Variants in MROH9 observed in about 807,000 individuals in gnomAD.
MROH9 encodes maestro heat like repeat family member 9, also known as maestro heat-like repeat-containing protein family member 9.
In MROH9, 92 loss-of-function variants were observed where a neutral mutation model predicts 98.2. The observed-to-expected ratio is 0.94, with a 90% CI of 0.79 to 1.11. The LOEUF (loss-of-function observed/expected upper bound fraction) is 1.11, where lower values mean the gene tolerates loss of function less well. MROH9 is among the 50% of genes most tolerant of loss of function. The probability of loss-of-function intolerance (pLI) is 0.00; values close to 1 mark genes in which losing one functional copy is unlikely to be tolerated. For synonymous variants in MROH9, 397 were observed against 368.9 expected, an observed-to-expected ratio of 1.08 and a Z score of -0.87; for missense variants, 1,057 against 1,014.8, an observed-to-expected ratio of 1.04 and a Z score of -0.57.
chr1:170,947,482 G>A, intron 2 of MROH9, 45 bp from the exon 3 acceptor site: 1 of 1,545,432 alleles, frequency 6.5e-7, no homozygotes, highest in Non-Finnish European at 8.9e-7. Flanking sequence ...GATGATAGGA[G>A]TCTATGTTCA....
chr1:171,037,744 A>C (rs1437213906), intron 20 of MROH9, among the ~76,000 whole-genome samples: 1 of 152,086 alleles, frequency 6.6e-6, no homozygotes, highest in East Asian at 1.9e-4. Flanking sequence ...GAATAGACAG[A>C]TAAATAGGAC....
chr1:170,937,009 T>C (rs1648911021), intron 1 of MROH9, among the ~76,000 whole-genome samples: 1 of 152,204 alleles, frequency 6.6e-6, no homozygotes, highest in South Asian at 2.1e-4. Context: ...CTAGTGACCT[T>C]GCAGCTGCAC....
intron 20 of MROH9, among the ~76,000 whole-genome samples, chr1:171,029,274 A>C (rs181244821): frequency 2.0e-5 from 3 of 151,816 alleles, no homozygotes; most frequent in African/African-American, 7.3e-5. Flanking sequence ...GCAGTGGCAC[A>C]ATCTCGGCTC....
At chr1:170,995,601 T>G in intron 13 of MROH9, 70 bp downstream of exon 13, 1 of 1,514,710 alleles carries the variant, frequency 6.6e-7, no homozygotes, top group Non-Finnish European at 9.1e-7. Flanking sequence ...TCTACCCTCT[T>G]GGGTTCATAT....
chr1:170,944,892 G>C (rs1649264759), intron 1 of MROH9, among the ~76,000 whole-genome samples: 1 of 152,048 alleles, frequency 6.6e-6, no homozygotes, highest in Non-Finnish European at 1.5e-5. Context: ...TATGATGTAT[G>C]ATGGGAAATC....
intron 15 of MROH9, among the ~76,000 whole-genome samples, chr1:171,007,718 C>T (rs1234889617): frequency 6.6e-6 from 1 of 152,294 alleles, no homozygotes; most frequent in Middle Eastern, 3.4e-3. Context: ...CAGGCCACTG[C>T]TGAGAAGAGA....
At chr1:171,041,912 T>C (rs936244792) in intron 20 of MROH9, among the ~76,000 whole-genome samples, 4 of 152,044 alleles carry the variant, frequency 2.6e-5, no homozygotes, top group Admixed American at 2.6e-4. Flanking sequence ...GATATTTTGA[T>C]ATAAGCATGC....
At chr1:171,051,928 G>C (rs1316730104) in intron 20 of MROH9, among the ~76,000 whole-genome samples, 4 of 152,124 alleles carry the variant, frequency 2.6e-5, no homozygotes, top group Non-Finnish European at 5.9e-5. Context: ...TTTGATAGCA[G>C]GGTAATGATG....
rs754332732 is a variant in MROH9, at chr1:171,044,972, C to CTTTTTTTTTTTTTTTTTTTTTTTTT, written c.2282-17137_2282-17113dup. On this transcript the variant is annotated intron_variant, in intron 20 of 21. Transcript: ENST00000367759. ...CAATTCCATTTATTTCTGCTCTGAT[C>CTTTTTTTTTTTTTTTTTTTTTTTTT]TTTTTTTTTTTTTTTTTTTTTTTTT... 4.8e-4 allele frequency among the ~76,000 whole-genome samples: 22 copies of CTTTTTTTTTTTTTTTTTTTTTTTTT among 45,708 alleles called. 4 individuals carry two copies. The highest frequency in any genetic ancestry group is 6.3e-4 in the Admixed American group (2 of 3,156). The allele number at this position is 45,708 out of a possible 152,430, so 30.0% of individuals were successfully genotyped here. A position where few individuals can be genotyped will look rare whatever the true frequency, so the allele number is the denominator to read the frequency against.
At chr1:171,052,381 G>A (rs1326831131) in intron 20 of MROH9, among the ~76,000 whole-genome samples, 5 of 152,258 alleles carry the variant, frequency 3.3e-5, no homozygotes, top group Middle Eastern at 3.4e-3. Flanking sequence ...GGGAATCCAG[G>A]GGGTAAAGCA....
At chr1:171,032,330 C>T (rs143669840) in intron 20 of MROH9, among the ~76,000 whole-genome samples, 6 of 151,294 alleles carry the variant, frequency 4.0e-5, no homozygotes, top group African/African-American at 1.2e-4. Flanking sequence ...GATGGAAAGA[C>T]ATTGCAATTA....
chr1:170,986,648 G>C lies in MROH9; in HGVS notation c.817G>C (p.Ala273Pro), dbSNP rs564495423. Residue 273 changes from alanine (A) to proline (P), a missense_variant, in exon 10 of 22, where the codon GCA (alanine) becomes CCA (proline). Transcript: ENST00000367759. ...MKLSSPDDKI[A>P]SDAASILIFT... ...ACTCTCTTCACCTGATGATAAAATCGCATCTGATGCAGCATCCATACTGAT... is the reference window on the plus strand; with the variant it reads ...ACTCTCTTCACCTGATGATAAAATCCCATCTGATGCAGCATCCATACTGAT... 2 of 1,613,658 alleles carry C rather than the reference G, an allele frequency of 1.2e-6. No homozygotes were observed. Among genetic ancestry groups the C allele is most frequent in the African/African-American group, 1.3e-5 (1 of 74,834 alleles).
chr1:170,942,525 G>T (rs74123648), intron 1 of MROH9, among the ~76,000 whole-genome samples: 3,208 of 152,108 alleles, frequency 0.021, 109 homozygotes, highest in African/African-American at 0.074. Flanking sequence ...CTAAAGCAAA[G>T]TCTTTGATAG....
chr1:171,055,074 A>C (rs1653793888), intron 20 of MROH9, among the ~76,000 whole-genome samples: 1 of 152,112 alleles, frequency 6.6e-6, no homozygotes, highest in Non-Finnish European at 1.5e-5. Context: ...TGTTTATGGC[A>C]GTACAATTTG....
chr1:171,005,715 A>G (rs1194183817), intron 15 of MROH9, among the ~76,000 whole-genome samples: 1 of 152,138 alleles, frequency 6.6e-6, no homozygotes, highest in Non-Finnish European at 1.5e-5. Flanking sequence ...TGGCATCTGC[A>G]AAGACAGAAC....
chr1:170,953,346 A>G (rs550112487), intron 3 of MROH9, among the ~76,000 whole-genome samples: 2 of 152,076 alleles, frequency 1.3e-5, no homozygotes, highest in South Asian at 4.1e-4. Flanking sequence ...TTTAGTTTTG[A>G]TCAAGTCCAA....
intron 3 of MROH9, among the ~76,000 whole-genome samples, chr1:170,953,420 CTT>C (rs1204289445): frequency 1.3e-5 from 2 of 149,860 alleles, no homozygotes; most frequent in Non-Finnish European, 3.0e-5. Flanking sequence ...CAAAAAAAAA[CTT>C]TTCCTAACCA....
intron 1 of MROH9, among the ~76,000 whole-genome samples, chr1:170,942,488 C>A (rs1458034163): frequency 6.6e-6 from 1 of 151,726 alleles, no homozygotes; most frequent in Non-Finnish European, 1.5e-5. Flanking sequence ...TGTCTTCAAT[C>A]CTGTGAAAAT....
chr1:171,024,367 C>G (rs572693201), intron 17 of MROH9, 28 bp from the exon 18 acceptor site: 283 of 1,539,518 alleles, frequency 1.8e-4, no homozygotes, highest in Non-Finnish European at 2.4e-4. Context: ...CTAATATTAT[C>G]CTCAAATAAG....
Sources: gnomAD v4.1 joint callset for allele counts (sites outside exome capture counted in the v4.1 genomes callset) on GRCh38, gnomAD v4.1.1 for gene constraint, MANE v1.5 for transcripts, NCBI Gene and HGNC (gene_info 2026-07-23, HGNC 2026-07-21) for gene names.